The following FBXL17 variants were observed in gnomAD, a reference collection of about 807,000 sequenced individuals.
FBXL17 encodes the protein F-box and leucine rich repeat protein 17, also known as F-box/LRR-repeat protein 17.
FBXL17 carries 22 observed loss-of-function variants against 66.2 expected under a neutral mutation model. That is an observed-to-expected ratio of 0.33 (90% confidence interval 0.24 to 0.47). The LOEUF is 0.47. Among genes scored for constraint, FBXL17 ranks in the 20% least tolerant of loss-of-function variants. FBXL17 has a pLI of 1.00. For missense variants in FBXL17, 878 were observed against 948.2 expected (o/e 0.93, Z 0.97); for synonymous variants, 474 against 400.5 (o/e 1.18, Z -2.19).
At chr5:107,941,807 TGCA>T (rs1751111642) in intron 7 of FBXL17, among the ~76,000 whole-genome samples, 1 of 152,184 alleles carries the variant, frequency 6.6e-6, no homozygotes, top group African/African-American at 2.4e-5. Flanking sequence ...CAGCATCTTA[TGCA>T]TCCCCCTTCC....
intron 6 of FBXL17, among the ~76,000 whole-genome samples, chr5:108,117,561 C>T (rs1458870041): frequency 6.6e-6 from 1 of 151,990 alleles, no homozygotes. Flanking sequence ...TATGAGTATG[C>T]CTTTCACGTA....
At chr5:108,222,225 T>C (rs1754896620) in intron 5 of FBXL17, among the ~76,000 whole-genome samples, 1 of 152,198 alleles carries the variant, frequency 6.6e-6, no homozygotes, top group Non-Finnish European at 1.5e-5. Flanking sequence ...CACTTACTGA[T>C]CTAATAAGTC....
intron 4 of FBXL17, among the ~76,000 whole-genome samples, chr5:108,295,177 TA>T (rs1040464014): frequency 3.3e-5 from 5 of 151,972 alleles, no homozygotes; most frequent in Non-Finnish European, 5.9e-5. Context: ...AATTTTAAAA[TA>T]TTTTTCAGTC....
intron 4 of FBXL17, among the ~76,000 whole-genome samples, chr5:108,280,863 G>T (rs1757674658): frequency 6.6e-6 from 1 of 151,744 alleles, no homozygotes; most frequent in South Asian, 2.1e-4. Flanking sequence ...GCAAGCAGTA[G>T]TAGCTATACT....
intron 4 of FBXL17, among the ~76,000 whole-genome samples, chr5:108,333,329 T>C (rs971231238): frequency 3.9e-5 from 6 of 152,026 alleles, no homozygotes; most frequent in South Asian, 2.1e-4. Flanking sequence ...TAAGGTTACC[T>C]GAGAGTATCA....
chr5:107,872,341 A>G (rs775653834), intron 8 of FBXL17, among the ~76,000 whole-genome samples: 1 of 152,186 alleles, frequency 6.6e-6, no homozygotes, highest in Non-Finnish European at 1.5e-5. Flanking sequence ...ATGAAATCCA[A>G]GGGGGGAAGC....
At chr5:108,025,579 T>A (rs562996446) in intron 6 of FBXL17, among the ~76,000 whole-genome samples, 1 of 151,982 alleles carries the variant, frequency 6.6e-6, no homozygotes, top group East Asian at 1.9e-4. Context: ...GTTTTAGAAA[T>A]AGAACCTCAT....
At chr5:108,080,797 ATC>A (rs201104733) in intron 6 of FBXL17, among the ~76,000 whole-genome samples, 2,055 of 152,322 alleles carry the variant, frequency 0.013, 34 homozygotes, top group African/African-American at 0.046. Flanking sequence ...AGAAAAGAGT[ATC>A]TGAGTTAAGA....
intron 4 of FBXL17, among the ~76,000 whole-genome samples, chr5:108,315,460 T>C (rs1292572251): frequency 6.6e-6 from 1 of 151,470 alleles, no homozygotes; most frequent in African/African-American, 2.4e-5. Flanking sequence ...AATAATTACA[T>C]TATATTTCAA....
intron 6 of FBXL17, among the ~76,000 whole-genome samples, chr5:108,151,452 T>C (rs994368158): frequency 2.0e-5 from 3 of 152,170 alleles, no homozygotes; most frequent in Non-Finnish European, 2.9e-5. Flanking sequence ...GTGTTCTGTA[T>C]TTGCTGTGGA....
chr5:108,224,751 C>T (rs1281588035), intron 4 of FBXL17, among the ~76,000 whole-genome samples: 2 of 151,758 alleles, frequency 1.3e-5, no homozygotes, highest in African/African-American at 2.4e-5. Context: ...ATCACCACAC[C>T]CAACTAGTTT....
At chr5:108,126,857 A>G (rs1185749960) in intron 6 of FBXL17, among the ~76,000 whole-genome samples, 1 of 151,870 alleles carries the variant, frequency 6.6e-6, no homozygotes, top group Non-Finnish European at 1.5e-5. Flanking sequence ...AAGAAGAAAA[A>G]AATGCCATTG....
chr5:108,293,719 T>G (rs1390439258), intron 4 of FBXL17, among the ~76,000 whole-genome samples: 2 of 152,104 alleles, frequency 1.3e-5, no homozygotes, highest in Non-Finnish European at 2.9e-5. Context: ...TTTAAGAACA[T>G]TATTAATAAC....
intron 7 of FBXL17, among the ~76,000 whole-genome samples, chr5:107,905,565 A>C (rs1380558600): frequency 1.3e-5 from 2 of 152,168 alleles, no homozygotes; most frequent in African/African-American, 4.8e-5. Context: ...ATGACTCTTC[A>C]AAATACATCA....
At chr5:107,879,950 C>T in intron 8 of FBXL17, 1 of 966,362 alleles carries the variant, frequency 1.0e-6, no homozygotes, top group Non-Finnish European at 1.2e-6. Context: ...ACTGGTCTTT[C>T]TGAGCCTCCA....
chr5:108,119,196 G>A (rs965872971), intron 6 of FBXL17, among the ~76,000 whole-genome samples: 4 of 152,180 alleles, frequency 2.6e-5, no homozygotes, highest in African/African-American at 9.7e-5. Flanking sequence ...CTTGTTAAGT[G>A]CTCAGGGTGA....
chr5:108,282,849 C>A (rs1344903579), intron 4 of FBXL17, among the ~76,000 whole-genome samples: 2 of 151,112 alleles, frequency 1.3e-5, no homozygotes, highest in Non-Finnish European at 3.0e-5. Flanking sequence ...AGTAGTGCTT[C>A]TATATATCAA....
At chr5:108,133,450 A>C (rs1357457158) in intron 6 of FBXL17, among the ~76,000 whole-genome samples, 1 of 152,178 alleles carries the variant, frequency 6.6e-6, no homozygotes, top group Non-Finnish European at 1.5e-5. Context: ...AAATTATGAG[A>C]GAAATCTTAA....
Position 108,355,025 on chromosome 5 carries a change from T to G in FBXL17, c.1375-6495A>C, listed in dbSNP as rs1747888445. ...GCCTTGCAAGAAACGATAAAAGAAGTTTTTCAGAAACAAGGAAAATGACAC... is the reference window on the plus strand; with the variant it reads ...GCCTTGCAAGAAACGATAAAAGAAGGTTTTCAGAAACAAGGAAAATGACAC... On this transcript the variant is annotated intron_variant, in intron 3 of 8. Transcript: ENST00000542267. Among the ~76,000 whole-genome samples the G allele has an allele frequency of 2.6e-5, 4 of 151,898 alleles. No individual in the cohort carries two copies. In the South Asian group the frequency reaches 8.3e-4, roughly 32 times the overall value.
Sources: gnomAD v4.1 joint callset for allele counts (sites outside exome capture counted in the v4.1 genomes callset) on GRCh38, gnomAD v4.1.1 for gene constraint, MANE v1.5 for transcripts, NCBI Gene and HGNC (gene_info 2026-07-23, HGNC 2026-07-21) for gene names.